JAKMIP2: variants seen among roughly 807,000 people sequenced by gnomAD.
JAKMIP2 encodes janus kinase and microtubule interacting protein 2.
In JAKMIP2, 25 loss-of-function variants were observed where a neutral mutation model predicts 115.0. The ratio of observed to expected loss-of-function variants is 0.22; its 90% confidence interval spans 0.16 to 0.30. The LOEUF is 0.30. Among genes scored for constraint, JAKMIP2 ranks in the 10% least tolerant of loss-of-function variants. The pLI, the probability that JAKMIP2 is intolerant of heterozygous loss-of-function variation, is 1.00. For synonymous variants in JAKMIP2, 334 were observed against 343.6 expected, an observed-to-expected ratio of 0.97 and a Z score of 0.31; for missense variants, 642 against 957.6, an observed-to-expected ratio of 0.67 and a Z score of 4.35.
intron 1 of JAKMIP2, among the ~76,000 whole-genome samples, chr5:147,721,679 A>G (rs959517647): frequency 1.1e-4 from 16 of 152,132 alleles, no homozygotes; most frequent in African/African-American, 3.1e-4. Context: ...GCGCTTCCCA[A>G]GTGAGGCAAT....
intron 21 of JAKMIP2, among the ~76,000 whole-genome samples, chr5:147,592,236 G>C (rs995170829): frequency 3.9e-5 from 6 of 152,108 alleles, no homozygotes; most frequent in Non-Finnish European, 8.8e-5. Flanking sequence ...AGTATCTACT[G>C]TTTCTGCAAG....
intron 3 of JAKMIP2, among the ~76,000 whole-genome samples, chr5:147,652,489 T>C (rs994490513): frequency 1.4e-4 from 21 of 152,138 alleles, no homozygotes; most frequent in African/African-American, 5.1e-4. Context: ...CAGAATTCTC[T>C]GGGGAAATTT....
intron 1 of JAKMIP2, among the ~76,000 whole-genome samples, chr5:147,720,392 G>A (rs1228238984): frequency 4.2e-4 from 63 of 149,056 alleles, no homozygotes; most frequent in Middle Eastern, 3.4e-3. Context: ...CTGAACGTTG[G>A]CCTGCCTTGC....
chr5:147,679,124 G>T (rs1760128470), intron 1 of JAKMIP2, among the ~76,000 whole-genome samples: 1 of 151,986 alleles, frequency 6.6e-6, no homozygotes, highest in African/African-American at 2.4e-5. Flanking sequence ...GGCATCACAG[G>T]CATGCACCAA....
rs1581258169 is a variant in JAKMIP2, at chr5:147,595,791, T to C, written c.*21-4105A>G. On this transcript the variant is annotated intron_variant, in intron 21 of 21. Coordinates refer to ENST00000616793, the MANE Select transcript of JAKMIP2 (RefSeq NM_001270941.2). ...TTGTTGACTATGTGCTAGACACTGT[T>C]GGTTATGTGCTAGGTATTTGGTATA... Among the ~76,000 whole-genome samples, 3 of 152,328 alleles carry C rather than the reference T, an allele frequency of 2.0e-5. No homozygotes were observed. The East Asian group carries it at 5.8e-4, about 29-fold the overall frequency.
At chr5:147,677,418 G>C (rs1760028776) in intron 1 of JAKMIP2, among the ~76,000 whole-genome samples, 1 of 152,150 alleles carries the variant, frequency 6.6e-6, no homozygotes, top group Non-Finnish European at 1.5e-5. Flanking sequence ...TATATTAAAA[G>C]AGCCCTTTAT....
chr5:147,656,898 G>C (rs1758703362), intron 3 of JAKMIP2, among the ~76,000 whole-genome samples: 1 of 151,996 alleles, frequency 6.6e-6, no homozygotes, highest in Non-Finnish European at 1.5e-5. Flanking sequence ...TAAAATATTT[G>C]CTTGTCTGGA....
chr5:147,721,722 C>CT (rs1753309408), intron 1 of JAKMIP2, among the ~76,000 whole-genome samples: 1 of 152,090 alleles, frequency 6.6e-6, no homozygotes, highest in African/African-American at 2.4e-5. Context: ...GCACGGTGCG[C>CT]GCACCCACTG....
At chr5:147,655,492 G>T (rs2126763276) in intron 3 of JAKMIP2, among the ~76,000 whole-genome samples, 1 of 152,250 alleles carries the variant, frequency 6.6e-6, no homozygotes, top group East Asian at 1.9e-4. Context: ...TTGTGTAGAG[G>T]CATTTATAGT....
intron 1 of JAKMIP2, among the ~76,000 whole-genome samples, chr5:147,750,166 C>T (rs896067310): frequency 2.6e-5 from 4 of 152,102 alleles, no homozygotes; most frequent in African/African-American, 9.7e-5. Flanking sequence ...CAGGAAAGAT[C>T]ACAACCATTG....
chr5:147,738,280 T>A (rs1380250385), intron 1 of JAKMIP2, among the ~76,000 whole-genome samples: 2 of 152,110 alleles, frequency 1.3e-5, no homozygotes, highest in Admixed American at 1.3e-4. Flanking sequence ...CAGAGCCCCA[T>A]ATAAACTCCA....
At chr5:147,691,383 G>A (rs751125674) in intron 1 of JAKMIP2, among the ~76,000 whole-genome samples, 45 of 152,260 alleles carry the variant, frequency 3.0e-4, no homozygotes, top group Middle Eastern at 3.4e-3. Context: ...TTACTGTGAA[G>A]TAATTTGGAT....
intron 21 of JAKMIP2, 104 bp downstream of exon 21, chr5:147,601,637 C>T (rs137881330): frequency 5.3e-6 from 1 of 190,278 alleles, no homozygotes; most frequent in Non-Finnish European, 9.4e-6. Flanking sequence ...CAAAACAAAA[C>T]AAAACAAAAC....
chr5:147,780,712 G>A (rs1755724568), intron 1 of JAKMIP2, among the ~76,000 whole-genome samples: 1 of 152,072 alleles, frequency 6.6e-6, no homozygotes, highest in Non-Finnish European at 1.5e-5. Context: ...AAACCAAATA[G>A]AACAATTATT....
chr5:147,705,905 G>A (rs948696500), intron 1 of JAKMIP2, among the ~76,000 whole-genome samples: 40 of 152,250 alleles, frequency 2.6e-4, no homozygotes, highest in Admixed American at 2.2e-3. Flanking sequence ...TGTTGTAGTG[G>A]GAGTATAAAG....
chr5:147,615,483 C>T (rs956100197), intron 19 of JAKMIP2, among the ~76,000 whole-genome samples: 2 of 151,784 alleles, frequency 1.3e-5, no homozygotes, highest in South Asian at 2.1e-4. Flanking sequence ...TTTTGGAGGG[C>T]GGGGTAGTCA....
chr5:147,617,789 ACT>A, intron 19 of JAKMIP2, 120 bp downstream of exon 19: 1 of 685,768 alleles, frequency 1.5e-6, no homozygotes, highest in Non-Finnish European at 2.5e-6. Context: ...TATTTATTTT[ACT>A]CTCTGAAAAT....
In JAKMIP2 at chr5:147,591,575, C is replaced by T; in HGVS notation, c.*132G>A. 2.1e-6 allele frequency: 2 copies of T among 932,000 alleles called. No individual in the cohort carries two copies. Among genetic ancestry groups the T allele is most frequent in the Non-Finnish European group, 1.7e-6 (1 of 575,656 alleles). The allele number at this position is 932,000 out of a possible 1,614,324, so 57.7% of individuals were successfully genotyped here. A position where few individuals can be genotyped will look rare whatever the true frequency, so the allele number is the denominator to read the frequency against. On this transcript the variant is annotated 3_prime_UTR_variant, in exon 22 of 22. Coordinates refer to ENST00000616793, the MANE Select transcript of JAKMIP2 (RefSeq NM_001270941.2). ...AAATACACAGTTGTAGTCCTGGCTA[C>T]AGGGTAGTTCTTAGCTTTTGATCTC...
Position 147,589,628 on chromosome 5 carries a change from T to C in JAKMIP2, c.*2079A>G, listed in dbSNP as rs941189293. ...GTGGTAAAAGTGGGGTTCTGTATGA[T>C]GGCATGCATATGCAATCAAGAGAGC... On this transcript the variant is annotated 3_prime_UTR_variant, in exon 22 of 22. Coordinates refer to ENST00000616793, the MANE Select transcript of JAKMIP2 (RefSeq NM_001270941.2). The C allele has an allele frequency of 6.6e-6, 1 of 152,220 alleles. No individual in the cohort carries two copies. The highest frequency in any genetic ancestry group is 1.5e-5 in the Non-Finnish European group (1 of 68,050). The allele number at this position is 152,220 out of a possible 1,614,324, so 9.4% of individuals were successfully genotyped here.
Sources: allele counts gnomAD v4.1 joint callset (sites outside exome capture counted in the v4.1 genomes callset), GRCh38; gene constraint gnomAD v4.1.1; transcripts MANE v1.5; gene names NCBI Gene and HGNC (gene_info 2026-07-23, HGNC 2026-07-21).